Variants in ABCB11 observed in about 807,000 individuals in gnomAD.
ABCB11 encodes bile salt export pump.
Under a neutral mutation model 148.0 loss-of-function variants are expected in ABCB11, and 95 were observed. That is an observed-to-expected ratio of 0.64 (90% CI 0.54 to 0.76). ABCB11 has a LOEUF of 0.76. ABCB11 is among the 30% of genes least tolerant of loss of function. The pLI is 0.00. For missense variants in ABCB11, 1,523 were observed against 1,617.8 expected (o/e 0.94, Z 1.01); for synonymous variants, 591 against 555.4 (o/e 1.06, Z -0.90).
chr2:169,029,826 C>T (rs989502881), intron 1 of ABCB11, among the ~76,000 whole-genome samples: 8 of 143,970 alleles, frequency 5.6e-5, no homozygotes, highest in South Asian at 2.3e-4. Context: ...CTGCAAGCTC[C>T]GCTTCCCGGG....
rs1483921329 is a variant in ABCB11 at position 168,923,452 on chromosome 2, A to G, written c.*170T>C. 1 of 649,004 alleles carries G rather than the reference A, an allele frequency of 1.5e-6. No individual in the cohort carries two copies. Among genetic ancestry groups the G allele is most frequent in the Non-Finnish European group, 2.7e-6 (1 of 373,866 alleles). 40.2% of individuals were successfully genotyped at this position (649,004 alleles called of 1,614,324 possible). On this transcript the variant is annotated 3_prime_UTR_variant, in exon 28 of 28. Coordinates refer to ENST00000650372, the MANE Select transcript of ABCB11 (RefSeq NM_003742.4). ...AGCAGAATTATTATGGAAGGCCATTAGAAATTAGCTTGGATTCCGATGTAG... is the reference window on the plus strand; with the variant it reads ...AGCAGAATTATTATGGAAGGCCATTGGAAATTAGCTTGGATTCCGATGTAG...
At chr2:168,963,713 T>G (rs539013532) in intron 18 of ABCB11, among the ~76,000 whole-genome samples, 1 of 151,856 alleles carries the variant, frequency 6.6e-6, no homozygotes, top group Non-Finnish European at 1.5e-5. Context: ...TGAAACCTAA[T>G]TGGCCTCCAT....
At chr2:169,008,531 G>GTTAACCCTTTTCC in intron 5 of ABCB11, among the ~76,000 whole-genome samples, 1 of 152,150 alleles carries the variant, frequency 6.6e-6, no homozygotes, top group Non-Finnish European at 1.5e-5. Flanking sequence ...AATCACGTCT[G>GTTAACCCTTTTCC]CATAGACCCT....
chr2:169,006,509 T>C (rs547777557), intron 5 of ABCB11, among the ~76,000 whole-genome samples: 9 of 152,208 alleles, frequency 5.9e-5, no homozygotes, highest in Non-Finnish European at 4.4e-5. Context: ...TCACCACTTC[T>C]ACTCAACATT....
chr2:169,017,486 C>T (rs1695398708), intron 2 of ABCB11, among the ~76,000 whole-genome samples: 1 of 152,126 alleles, frequency 6.6e-6, no homozygotes, highest in South Asian at 2.1e-4. Flanking sequence ...GAATCAAACA[C>T]AACTGGATTA....
chr2:168,996,685 T>A lies in ABCB11; in HGVS notation c.427A>T (p.Ser143Cys). 1 of 1,575,168 alleles carries A rather than the reference T, an allele frequency of 6.3e-7. No homozygotes were observed. The change falls in exon 6 of 28, where the codon AGT (serine) becomes TGT (cysteine). Residue 143 changes from serine to cysteine, a missense_variant. By Grantham distance (112) the Ser-to-Cys change is moderately radical (BLOSUM62 -1). Coordinates refer to ENST00000650372, the MANE Select transcript of ABCB11 (RefSeq NM_003742.4). Reference sequence around the variant, plus strand: ...GCGACAGCAATTCCAGCATAGTAACTGGCAAATTTGATCATTTCGCTCTCG... The same window carrying A: ...GCGACAGCAATTCCAGCATAGTAACAGGCAAATTTGATCATTTCGCTCTCG... ...NIESEMIKFASYYAGIAVAVL... is the reference protein window; with the variant it reads ...NIESEMIKFACYYAGIAVAVL...
rs1047860324 is a variant in ABCB11 at position 168,921,852 on chromosome 2, TTTTTCTTTTTC to T, written c.*1759_*1769del. On this transcript the variant is annotated 3_prime_UTR_variant, in exon 28 of 28. Coordinates refer to ENST00000650372, the MANE Select transcript of ABCB11 (RefSeq NM_003742.4). ...AGGACGGAGTCCTTGACCTCTTTTC[TTTTTCTTTTTC>T]TTTTTTTTTTTTTTTCGCTCTGTCG... 3.5e-4 allele frequency among the ~76,000 whole-genome samples: 12 copies of T among 34,570 alleles called. No homozygotes were observed. Among genetic ancestry groups the T allele is most frequent in the African/African-American group, 1.0e-3 (12 of 11,950 alleles). 22.7% of individuals were successfully genotyped at this position (34,570 alleles called of 152,430 possible).
intron 14 of ABCB11, among the ~76,000 whole-genome samples, chr2:168,970,753 C>T (rs969452062): frequency 3.3e-5 from 5 of 152,012 alleles, no homozygotes; most frequent in Non-Finnish European, 7.4e-5. Context: ...TTATTACTAA[C>T]CAACATGAAT....
chr2:169,009,478 A>G (rs1010817298), intron 5 of ABCB11, among the ~76,000 whole-genome samples: 1 of 150,898 alleles, frequency 6.6e-6, no homozygotes, highest in Non-Finnish European at 1.5e-5. Context: ...TATCGCGAGG[A>G]CAAAAAACCA....
chr2:168,927,045 C>T, intron 26 of ABCB11, 111 bp downstream of exon 26: 2 of 1,122,382 alleles, frequency 1.8e-6, no homozygotes, highest in East Asian at 2.4e-5. Context: ...AATTTTGGAA[C>T]ATTTTGGATT....
At chr2:168,966,618 G>C (rs1693332427) in intron 17 of ABCB11, among the ~76,000 whole-genome samples, 1 of 151,844 alleles carries the variant, frequency 6.6e-6, no homozygotes, top group East Asian at 2.0e-4. Flanking sequence ...TATTATTTAG[G>C]AAATTTGTGG....
chr2:169,011,430 T>C (rs1695184072), intron 5 of ABCB11, among the ~76,000 whole-genome samples: 1 of 152,210 alleles, frequency 6.6e-6, no homozygotes, highest in Non-Finnish European at 1.5e-5. Context: ...ATCTCTCTTT[T>C]ATACAAATTG....
chr2:168,972,997 T>C (rs2389611), intron 13 of ABCB11, among the ~76,000 whole-genome samples: 86,482 of 151,292 alleles, frequency 0.57, 24,933 homozygotes, highest in East Asian at 0.75. Flanking sequence ...TGACACATAA[T>C]ATGTGATAAA....
intron 19 of ABCB11, among the ~76,000 whole-genome samples, chr2:168,952,408 C>T (rs921822782): frequency 6.6e-6 from 1 of 151,200 alleles, no homozygotes; most frequent in Admixed American, 6.6e-5. Context: ...TCTTGCTACT[C>T]ATTATTAGTC....
chr2:168,995,353 A>G lies in ABCB11; in HGVS notation c.607T>C (p.Ser203Pro), dbSNP rs2106013673. 6.2e-7 allele frequency: 1 copy of G among 1,611,728 alleles called. No individual in the cohort carries two copies. The highest frequency in any genetic ancestry group is 8.5e-7 in the Non-Finnish European group (1 of 1,178,604). Residue 203 changes from serine (S) to proline (P), a missense_variant, in exon 7 of 28, where the codon TCT becomes CCT. Transcript: ENST00000650372. Reference protein sequence around the residue: ...NSVGELNTRFSDDINKINDAI... With the variant: ...NSVGELNTRFPDDINKINDAI... ...ACTGTTTTACCAGCTACTTACTCAG[A>G]GAATCTTGTATTCAGCTCCCCCACT...
Position 168,972,020 on chromosome 2 carries a change from G to T in ABCB11, c.1465C>A (p.Leu489Ile), listed in dbSNP as rs944713270. Reference protein sequence around the residue: ...VTVDGHDIRSLNIQWLRDQIG... With the variant: ...VTVDGHDIRSINIQWLRDQIG... ...TGATCTCTAAGCCACTGAATGTTAA[G>T]AGAGCGAATGTCATGGCCATCCACG... is the stretch of plus-strand genomic sequence containing the variant. The change falls in exon 14 of 28, where the codon CTT becomes ATT. Residue 489 changes from leucine to isoleucine, a missense_variant. Coordinates refer to ENST00000650372, the MANE Select transcript of ABCB11 (RefSeq NM_003742.4). 1 of 1,612,682 alleles carries T rather than the reference G, an allele frequency of 6.2e-7. No homozygotes were observed. Among genetic ancestry groups the T allele is most frequent in the African/African-American group, 1.3e-5 (1 of 74,856 alleles).
At chr2:168,989,031 C>A (rs1694426388) in intron 9 of ABCB11, among the ~76,000 whole-genome samples, 1 of 152,060 alleles carries the variant, frequency 6.6e-6, no homozygotes, top group East Asian at 1.9e-4. Flanking sequence ...TGGATATTAA[C>A]CCCTTATCAG....
chr2:169,005,479 A>G (rs1054242017), intron 5 of ABCB11, among the ~76,000 whole-genome samples: 11 of 151,992 alleles, frequency 7.2e-5, no homozygotes, highest in African/African-American at 2.7e-4. Context: ...GAAGTGGGGG[A>G]AAGCTGGCAG....
rs891695981 is a variant in ABCB11, at chr2:168,930,735, C to T, written c.3341G>A (p.Ser1114Asn). 3.7e-6 allele frequency: 6 copies of T among 1,609,168 alleles called. No individual in the cohort carries two copies. The highest frequency in any genetic ancestry group is 2.7e-5 in the African/African-American group (2 of 74,880). Residue 1114 changes from serine (S) to asparagine (N), a missense_variant, in exon 25 of 28, where the codon AGC becomes AAC. Transcript: ENST00000650372. ...SPGQTLAFVG[S>N]SGCGKSTSIQ... ...GCTAGTGCTTTTGCCACATCCACTG[C>T]TCCCAACAAACGCCAGTGTCTGCCC...
Sources: allele counts gnomAD v4.1 joint callset (sites outside exome capture counted in the v4.1 genomes callset), GRCh38; gene constraint gnomAD v4.1.1; transcripts MANE v1.5; gene names NCBI Gene and HGNC (gene_info 2026-07-23, HGNC 2026-07-21).